The following SLCO3A1 variants were observed in gnomAD, a reference collection of about 807,000 sequenced individuals.
SLCO3A1 encodes the protein solute carrier organic anion transporter family member 3A1.
A neutral mutation model predicts 63.1 loss-of-function variants in SLCO3A1; 27 were observed. The observed-to-expected ratio is 0.43, with a 90% CI of 0.32 to 0.59. The LOEUF (loss-of-function observed/expected upper bound fraction) is 0.59, where lower values mean the gene tolerates loss of function less well. SLCO3A1 is among the 20% of genes least tolerant of loss of function. The pLI is 0.09. For synonymous variants in SLCO3A1, 473 were observed against 409.9 expected (o/e 1.15, Z -1.86); for missense variants, 773 against 945.8 (o/e 0.82, Z 2.40).
intron 2 of SLCO3A1, among the ~76,000 whole-genome samples, chr15:92,048,478 A>AC (rs2046917418): frequency 6.6e-6 from 1 of 152,108 alleles, no homozygotes; most frequent in Non-Finnish European, 1.5e-5. Flanking sequence ...TGACATTCAG[A>AC]CCAGATCGTT....
At chr15:91,940,217 G>C (rs1899570000) in intron 2 of SLCO3A1, among the ~76,000 whole-genome samples, 1 of 152,152 alleles carries the variant, frequency 6.6e-6, no homozygotes, top group African/African-American at 2.4e-5. Context: ...CTGGGCCTAG[G>C]TTCAGGTCAG....
intron 1 of SLCO3A1, among the ~76,000 whole-genome samples, chr15:91,909,461 C>T (rs898402952): frequency 2.0e-5 from 3 of 152,178 alleles, no homozygotes; most frequent in Non-Finnish European, 4.4e-5. Context: ...AGACCCTGTT[C>T]AGGAACCCCT....
rs1000490623 is a variant in SLCO3A1, at chr15:91,857,811, T to A, written c.180+3723T>A. On this transcript the variant is annotated intron_variant, in intron 1 of 9. Coordinates refer to ENST00000318445, the MANE Select transcript of SLCO3A1 (RefSeq NM_013272.4). ...AAAGCCTCTGACACTTCTAGATGATTAGTTTGAGGCATACATACAAATACA... is the reference window on the plus strand; with the variant it reads ...AAAGCCTCTGACACTTCTAGATGATAAGTTTGAGGCATACATACAAATACA... Among the ~76,000 whole-genome samples, 11 of 152,314 alleles carry A rather than the reference T, an allele frequency of 7.2e-5. No individual in the cohort carries two copies. In the South Asian group the frequency reaches 1.7e-3, roughly 23 times the overall value.
chr15:92,143,927 C>G (rs1269794655), intron 7 of SLCO3A1, among the ~76,000 whole-genome samples: 1 of 152,158 alleles, frequency 6.6e-6, no homozygotes, highest in African/African-American at 2.4e-5. Flanking sequence ...GATGGGCACT[C>G]TGCGATGTGG....
chr15:92,009,997 T>C (rs1885192184), intron 2 of SLCO3A1, among the ~76,000 whole-genome samples: 1 of 152,188 alleles, frequency 6.6e-6, no homozygotes, highest in African/African-American at 2.4e-5. Context: ...CCAGACTTCA[T>C]TGTGTAGCTC....
chr15:92,149,240 C>G (rs1205782228), intron 8 of SLCO3A1: 1 of 152,228 alleles, frequency 6.6e-6, no homozygotes, highest in Non-Finnish European at 1.5e-5. Context: ...ATTTGATTCC[C>G]TCTAAATTAA....
rs552301525 is a variant in SLCO3A1 at position 92,124,299 on chromosome 15, C to T, written c.1175-1762C>T. ...ATTTCAGGGAAGTTCTGATCACCGC[C>T]TGGAGTGTTAAGGACAGCACATACA... is the stretch of plus-strand genomic sequence containing the variant. On this transcript the variant is annotated intron_variant, in intron 5 of 9. Transcript: ENST00000318445. 3.5e-4 allele frequency among the ~76,000 whole-genome samples: 54 copies of T among 152,246 alleles called. 1 individual carries two copies. Among genetic ancestry groups the T allele is most frequent in the African/African-American group, 1.3e-3 (53 of 41,526 alleles).
In SLCO3A1 at chr15:92,047,496, T is replaced by TATATATATAAATATATAA. The variant is rs2046892822; in HGVS notation, c.647-47378_647-47377insTAAATATATAAATATATA. ...AAATATATATAAATATATATATAAA[T>TATATATATAAATATATAA]ATATATAAATATATATAAATACATA... On this transcript the variant is annotated intron_variant, in intron 2 of 9. Transcript: ENST00000318445. Among the ~76,000 whole-genome samples, 2 of 18,282 alleles carry TATATATATAAATATATAA rather than the reference T, an allele frequency of 1.1e-4. 1 individual carries two copies. Among genetic ancestry groups the TATATATATAAATATATAA allele is most frequent in the African/African-American group, 3.5e-4 (2 of 5,694 alleles). The allele number at this position is 18,282 out of a possible 152,430, so 12.0% of individuals were successfully genotyped here.
chr15:92,145,022 C>G (rs2048202204), intron 7 of SLCO3A1, among the ~76,000 whole-genome samples: 1 of 152,054 alleles, frequency 6.6e-6, no homozygotes, highest in Admixed American at 6.5e-5. Flanking sequence ...AAGCGAGTGA[C>G]CAGAGGAGGA....
At chr15:91,939,422 C>G (rs1251532716) in intron 2 of SLCO3A1, among the ~76,000 whole-genome samples, 1 of 152,156 alleles carries the variant, frequency 6.6e-6, no homozygotes, top group Non-Finnish European at 1.5e-5. Context: ...GGTGGGGACA[C>G]AGATCATATA....
Position 92,033,106 on chromosome 15 carries a change from AT to A in SLCO3A1, c.647-61771del, listed in dbSNP as rs1284987708. On this transcript the variant is annotated intron_variant, in intron 2 of 9. Coordinates refer to ENST00000318445, the MANE Select transcript of SLCO3A1 (RefSeq NM_013272.4). This position sits in a 1 kb window ranked among gnomAD's most constrained non-coding sequence, Gnocchi z 4.5. ...TGTGATGCTATCTTATTTATATAGA[AT>A]TTTAGAATTTACCAAAGAATCTCAC... is the stretch of plus-strand genomic sequence containing the variant. 6.6e-6 allele frequency among the ~76,000 whole-genome samples: 1 copy of A among 152,182 alleles called. No individual in the cohort carries two copies. Among genetic ancestry groups the A allele is most frequent in the Non-Finnish European group, 1.5e-5 (1 of 68,040 alleles).
chr15:92,028,974 T>C (rs1419380466), intron 2 of SLCO3A1, among the ~76,000 whole-genome samples: 2 of 124,304 alleles, frequency 1.6e-5, no homozygotes, highest in Non-Finnish European at 3.3e-5. Flanking sequence ...TGACCCATGG[T>C]CAAACAACCC....
chr15:92,099,827 C>T (rs571429527), intron 3 of SLCO3A1, among the ~76,000 whole-genome samples: 17 of 151,998 alleles, frequency 1.1e-4, no homozygotes, highest in Admixed American at 2.0e-4. Flanking sequence ...TTTGGGAGGC[C>T]GAGGCAGGTG....
Position 91,882,678 on chromosome 15 carries a change from T to A in SLCO3A1, c.180+28590T>A, listed in dbSNP as rs1402381546. On this transcript the variant is annotated intron_variant, in intron 1 of 9. Coordinates refer to ENST00000318445, the MANE Select transcript of SLCO3A1 (RefSeq NM_013272.4). This position sits in a 1 kb window ranked among gnomAD's most constrained non-coding sequence, Gnocchi z 4.4. ...CACAGGCGTATGCACCACCACCACG[T>A]CCAGCTAACTTTTTTGTATTTTTAG... is the stretch of plus-strand genomic sequence containing the variant. Among the ~76,000 whole-genome samples the A allele has an allele frequency of 6.6e-6, 1 of 152,024 alleles. No individual in the cohort carries two copies. Among genetic ancestry groups the A allele is most frequent in the African/African-American group, 2.4e-5 (1 of 41,402 alleles).
chr15:92,120,701 T>A (rs1335174705), intron 5 of SLCO3A1, 72 bp downstream of exon 5: 1 of 1,364,874 alleles, frequency 7.3e-7, no homozygotes, highest in Admixed American at 1.8e-5. Context: ...AAAAATTTAC[T>A]GAGCCCTGCT....
intron 2 of SLCO3A1, among the ~76,000 whole-genome samples, chr15:92,063,460 A>G (rs2151508224): frequency 6.6e-6 from 1 of 152,310 alleles, no homozygotes; most frequent in East Asian, 1.9e-4. Context: ...TTCCCTGTCT[A>G]TAAAATGGGA....
At position 92,165,824 on chromosome 15, in the gene SLCO3A1, G is replaced by T; in HGVS notation, c.*2689G>T. 2.0e-6 allele frequency: 2 copies of T among 985,234 alleles called. No individual in the cohort carries two copies. Among genetic ancestry groups the T allele is most frequent in the East Asian group, 1.1e-4 (1 of 8,814 alleles). The allele number at this position is 985,234 out of a possible 1,614,324, so 61.0% of individuals were successfully genotyped here. On this transcript the variant is annotated 3_prime_UTR_variant, in exon 10 of 10. Coordinates refer to ENST00000318445, the MANE Select transcript of SLCO3A1 (RefSeq NM_013272.4). ...CTCGATTATCTGTTTGGTTTCAAGT[G>T]AATGAAAAGATTTCCTGGTAAGATC...
intron 2 of SLCO3A1, among the ~76,000 whole-genome samples, chr15:91,949,817 T>C (rs1289491532): frequency 2.0e-5 from 3 of 151,996 alleles, no homozygotes; most frequent in Non-Finnish European, 4.4e-5. Flanking sequence ...AACAATATAG[T>C]GAGACCCCGG....
intron 9 of SLCO3A1, among the ~76,000 whole-genome samples, chr15:92,151,884 G>C (rs138895645): frequency 2.4e-4 from 36 of 152,280 alleles, no homozygotes; most frequent in African/African-American, 7.9e-4. Context: ...CAAATACCTA[G>C]CTATAGAAAT....
Sources: allele counts gnomAD v4.1 joint callset (sites outside exome capture counted in the v4.1 genomes callset), GRCh38; gene constraint gnomAD v4.1.1; non-coding constraint Gnocchi (gnomAD v3.1); transcripts MANE v1.5; gene names NCBI Gene and HGNC (gene_info 2026-07-23, HGNC 2026-07-21).